The following LEPR variants were observed in gnomAD, a reference collection of about 807,000 sequenced individuals.
The protein encoded by LEPR is OB receptor.
Under a neutral mutation model 114.7 loss-of-function variants are expected in LEPR, and 56 were observed. The ratio of observed to expected loss-of-function variants is 0.49; its 90% confidence interval spans 0.39 to 0.61. The LOEUF (loss-of-function observed/expected upper bound fraction) is 0.61, where lower values mean the gene tolerates loss of function less well. Ranked by LOEUF, LEPR falls within the 20% of genes least tolerant of loss-of-function variation. The pLI is 0.00. For missense variants in LEPR, 1,202 were observed against 1,352.9 expected (o/e 0.89, Z 1.75); for synonymous variants, 443 against 461.4 (o/e 0.96, Z 0.51).
At chr1:65,432,177 T>C (rs1031272324) in intron 2 of LEPR, 4 of 1,133,134 alleles carry the variant, frequency 3.5e-6, no homozygotes, top group Non-Finnish European at 3.3e-6. Flanking sequence ...TCTCAGAAAA[T>C]ATATTAACGC....
chr1:65,488,172 C>CT (rs1343979468), intron 2 of LEPR, among the ~76,000 whole-genome samples: 8 of 12,606 alleles, frequency 6.3e-4, no homozygotes, highest in Non-Finnish European at 3.4e-4. Context: ...TTCTTTCTTT[C>CT]TTTCTTTCTT....
At chr1:65,425,402 C>G in intron 2 of LEPR, 24 bp downstream of exon 2, 1 of 1,569,510 alleles carries the variant, frequency 6.4e-7, no homozygotes, top group Non-Finnish European at 8.6e-7. Flanking sequence ...TCAAAAAGAA[C>G]TATTCCTCTT....
At chr1:65,588,259 A>G (rs1161033668) in intron 5 of LEPR, among the ~76,000 whole-genome samples, 1 of 151,866 alleles carries the variant, frequency 6.6e-6, no homozygotes, top group Admixed American at 6.6e-5. Context: ...GCATGCTATT[A>G]TTTTTTATGC....
At chr1:65,620,921 C>G (rs1276734719) in intron 17 of LEPR, among the ~76,000 whole-genome samples, 3 of 152,054 alleles carry the variant, frequency 2.0e-5, no homozygotes, top group African/African-American at 7.2e-5. Flanking sequence ...GTGTGAAGAG[C>G]CCCTAAAGAG....
At chr1:65,480,481 A>C (rs574228056) in intron 2 of LEPR, among the ~76,000 whole-genome samples, 1 of 152,310 alleles carries the variant, frequency 6.6e-6, no homozygotes, top group Admixed American at 6.5e-5. Context: ...CTCTGGAAAC[A>C]AAATAAAATG....
intron 5 of LEPR, among the ~76,000 whole-genome samples, chr1:65,588,502 A>C (rs1359599844): frequency 1.3e-5 from 2 of 152,038 alleles, no homozygotes; most frequent in African/African-American, 4.8e-5. Flanking sequence ...CCATCAGTAT[A>C]ATAAAGAAAG....
intron 1 of LEPR, chr1:65,421,606 C>A: frequency 2.3e-6 from 2 of 880,386 alleles, no homozygotes; most frequent in Non-Finnish European, 3.5e-6. Flanking sequence ...TATACGAGTA[C>A]GCCTCTGTTC....
At chr1:65,497,110 A>G (rs1648203360) in intron 2 of LEPR, among the ~76,000 whole-genome samples, 1 of 152,100 alleles carries the variant, frequency 6.6e-6, no homozygotes, top group Non-Finnish European at 1.5e-5. Context: ...ATTTCTTAAG[A>G]GCATATTATG....
intron 18 of LEPR, among the ~76,000 whole-genome samples, chr1:65,622,010 T>C (rs1471264731): frequency 6.6e-6 from 1 of 152,180 alleles, no homozygotes; most frequent in East Asian, 1.9e-4. Flanking sequence ...AATGCTGACC[T>C]TAGCCATTAG....
chr1:65,636,447 A>G lies in LEPR; in HGVS notation c.2930A>G (p.Glu977Gly). 6.2e-7 allele frequency: 1 copy of G among 1,614,126 alleles called. No individual in the cohort carries two copies. Among genetic ancestry groups the G allele is most frequent in the South Asian group, 1.1e-5 (1 of 91,078 alleles). Reference protein sequence around the residue: ...AEGTEVTYEDESQRQPFVKYA... With the variant: ...AEGTEVTYEDGSQRQPFVKYA... The stretch of plus-strand genomic sequence containing the variant: ...GGTACTGAGGTAACCTATGAGGACG[A>G]AAGCCAGAGACAACCCTTTGTTAAA... The change falls in exon 20 of 20, where the codon GAA becomes GGA. Residue 977 changes from glutamate (E) to glycine (G), a missense_variant. Physicochemically the swap from Glu to Gly is moderately conservative, Grantham distance 98. Coordinates refer to ENST00000349533, the MANE Select transcript of LEPR (RefSeq NM_002303.6).
intron 2 of LEPR, among the ~76,000 whole-genome samples, chr1:65,451,268 G>A (rs948829544): frequency 2.0e-5 from 3 of 151,854 alleles, no homozygotes; most frequent in African/African-American, 7.2e-5. Flanking sequence ...CTGTGCAGAA[G>A]CTCTTTAGTT....
intron 1 of LEPR, among the ~76,000 whole-genome samples, chr1:65,420,992 C>T (rs1646236551): frequency 6.6e-6 from 1 of 152,204 alleles, no homozygotes; most frequent in Non-Finnish European, 1.5e-5. Flanking sequence ...CCAGACCCCT[C>T]CCCAGCCTGA....
intron 2 of LEPR, chr1:65,433,519 T>A (rs1230902976): frequency 3.0e-6 from 3 of 985,320 alleles, no homozygotes; most frequent in Non-Finnish European, 3.6e-6. Context: ...TGAAATACAT[T>A]CAAAACACTT....
intron 14 of LEPR, among the ~76,000 whole-genome samples, chr1:65,610,615 T>A (rs1249962751): frequency 2.0e-5 from 3 of 152,230 alleles, no homozygotes; most frequent in Non-Finnish European, 2.9e-5. Flanking sequence ...AGGCAGTGTT[T>A]CTTGGAGTCT....
At chr1:65,454,229 C>T (rs921114765) in intron 2 of LEPR, among the ~76,000 whole-genome samples, 26 of 152,210 alleles carry the variant, frequency 1.7e-4, no homozygotes, top group African/African-American at 2.2e-4. Flanking sequence ...GTCTTGACTC[C>T]GTATCCAATT....
At chr1:65,526,143 C>CGG (rs34340751) in intron 2 of LEPR, 259,696 of 984,518 alleles carry the variant, frequency 0.26, 40,539 homozygotes, top group African/African-American at 0.67. Flanking sequence ...ACTTCTTTTC[C>CGG]AGGCTTCGTG....
chr1:65,439,743 A>G (rs946835105), intron 2 of LEPR, among the ~76,000 whole-genome samples: 11 of 150,770 alleles, frequency 7.3e-5, no homozygotes, highest in African/African-American at 2.7e-4. Context: ...ACTTGAACCC[A>G]GGAATCACTT....
At chr1:65,579,061 C>T (rs868156202) in intron 5 of LEPR, among the ~76,000 whole-genome samples, 8 of 152,240 alleles carry the variant, frequency 5.3e-5, no homozygotes, top group Middle Eastern at 6.8e-3. Flanking sequence ...TTTGTGCAAT[C>T]GTCATGAGGG....
chr1:65,596,624 G>C (rs767208166), intron 7 of LEPR, 31 bp downstream of exon 7: 1 of 1,600,696 alleles, frequency 6.2e-7, no homozygotes, highest in Non-Finnish European at 8.5e-7. Flanking sequence ...AAAAGGAAAA[G>C]TTGAGAAGTA....
Sources: allele counts gnomAD v4.1 joint callset (sites outside exome capture counted in the v4.1 genomes callset), GRCh38; gene constraint gnomAD v4.1.1; transcripts MANE v1.5; gene names NCBI Gene and HGNC (gene_info 2026-07-23, HGNC 2026-07-21).